The following ANKS3 variants were observed in gnomAD, a reference collection of about 807,000 sequenced individuals.
ANKS3 encodes the protein ankyrin repeat and SAM domain-containing protein 3.
Under a neutral mutation model 80.7 loss-of-function variants are expected in ANKS3, and 62 were observed. The ratio of observed to expected loss-of-function variants is 0.77; its 90% CI spans 0.63 to 0.95. The LOEUF is 0.95. ANKS3 is among the 40% of genes least tolerant of loss of function. The pLI is 0.00. For synonymous variants in ANKS3, 489 were observed against 355.3 expected, an observed-to-expected ratio of 1.38 and a Z score of -4.23; for missense variants, 1,150 against 883.6, an observed-to-expected ratio of 1.30 and a Z score of -3.82.
intron 9 of ANKS3, chr16:4,701,752 A>T: frequency 1.9e-6 from 1 of 530,836 alleles, no homozygotes; most frequent in Non-Finnish European, 3.3e-6. Context: ...ATAAATCCCA[A>T]GCACCCGGAG....
In ANKS3 at chr16:4,702,299, A is replaced by C. The variant is rs922644805; in HGVS notation, c.869-57T>G. ...GAACTCCAAAGTGAAACCTCCTCAG[A>C]GGCCGAGGCCCAGGATGGAGGCAGG... On this transcript the variant is annotated intron_variant, in intron 8 of 17. Coordinates refer to ENST00000304283, the MANE Select transcript of ANKS3 (RefSeq NM_133450.4). 5 of 1,404,724 alleles carry C rather than the reference A, an allele frequency of 3.6e-6. No individual in the cohort carries two copies. In the African/African-American group the frequency reaches 7.5e-5, roughly 21 times the overall value. 87.0% of individuals were successfully genotyped at this position (1,404,724 alleles called of 1,614,324 possible).
intron 5 of ANKS3, 39 bp from the exon 6 acceptor site, chr16:4,724,870 C>T (rs1351765717): frequency 4.4e-6 from 7 of 1,600,900 alleles, no homozygotes; most frequent in Non-Finnish European, 6.0e-6. Context: ...TTGGAAGAGA[C>T]AAGTTCCGCC....
chr16:4,730,746 G>T (rs1011674736), intron 2 of ANKS3, among the ~76,000 whole-genome samples: 2 of 152,038 alleles, frequency 1.3e-5, no homozygotes, highest in African/African-American at 4.8e-5. Context: ...CAGCTACTCG[G>T]GAGGCTGAGG....
chr16:4,704,959 A>AGCTG, intron 8 of ANKS3, 136 bp downstream of exon 8: 1 of 1,162,366 alleles, frequency 8.6e-7, no homozygotes, highest in East Asian at 2.4e-5. Context: ...TGAGCATGAA[A>AGCTG]GCTGGGCCAC....
At position 4,697,359 on chromosome 16, in the gene ANKS3, G is replaced by A. The variant is rs1190729167; in HGVS notation, c.1868C>T (p.Ala623Val). The A allele has an allele frequency of 2.5e-6, 4 of 1,609,720 alleles. No individual in the cohort carries two copies. Among genetic ancestry groups the A allele is most frequent in the East Asian group, 2.2e-5 (1 of 44,784 alleles). The change falls in exon 16 of 18, where the codon GCC (alanine) becomes GTC (valine). Residue 623 changes from alanine (A) to valine (V), a missense_variant. Physicochemically the swap from Ala to Val is moderately conservative, Grantham distance 64. Coordinates refer to ENST00000304283, the MANE Select transcript of ANKS3 (RefSeq NM_133450.4). ...QAMSLPELSG[A>V]LEDRVREMGQ... Reference sequence around the variant, plus strand: ...CATCTCACGGACACGGTCCTCCAGGGCTCCCGAGAGCTCGGGGAGGCTCAT... The same window carrying A: ...CATCTCACGGACACGGTCCTCCAGGACTCCCGAGAGCTCGGGGAGGCTCAT...
rs1318203904 is a variant in ANKS3 at position 4,698,053 on chromosome 16, T to A, written c.1734A>T (p.Gln578His). The change falls in exon 15 of 18, where the codon CAA becomes CAT. Residue 578 changes from glutamine (Q) to histidine (H), a missense_variant. Gln to His is a conservative substitution (Grantham distance 24). Coordinates refer to ENST00000304283, the MANE Select transcript of ANKS3 (RefSeq NM_133450.4). ...GCCTCACTCGAGATGACAGCTCAGC[T>A]TGACAGGCTCTGCCAGACACAGAAA... is the stretch of plus-strand genomic sequence containing the variant. ...ALVLDQLRAC[Q>H]AELSSRVRQD... The A allele has an allele frequency of 1.9e-6, 3 of 1,608,742 alleles. No homozygotes were observed. Among genetic ancestry groups the A allele is most frequent in the Non-Finnish European group, 2.5e-6 (3 of 1,178,340 alleles).
At position 4,699,054 on chromosome 16, in the gene ANKS3, G is replaced by A; in HGVS notation, c.1407C>T (p.Ile469=). 6.2e-7 allele frequency: 1 copy of A among 1,614,188 alleles called. No individual in the cohort carries two copies. The highest frequency in any genetic ancestry group is 8.5e-7 in the Non-Finnish European group (1 of 1,180,040). The change falls in exon 12 of 18, where the codon ATC becomes ATT. Residue 469 remains isoleucine, a splice_region_variant and synonymous_variant. Coordinates refer to ENST00000304283, the MANE Select transcript of ANKS3 (RefSeq NM_133450.4). ...CAGAGCGGCCCTTCTGGACGCACGTGATGCCAATTTCCTTCAGGTCGCTCT... is the reference window on the plus strand; with the variant it reads ...CAGAGCGGCCCTTCTGGACGCACGTAATGCCAATTTCCTTCAGGTCGCTCT... The part of the protein sequence containing the change: ...LTESDLKEIG[I]TLFGPKRKMT...
intron 8 of ANKS3, 28 bp downstream of exon 8, chr16:4,705,067 G>C: frequency 6.2e-7 from 1 of 1,606,798 alleles, no homozygotes; most frequent in Non-Finnish European, 8.5e-7. Flanking sequence ...CAATGAGAAA[G>C]AGCCCTCGGG....
At chr16:4,705,813 T>C (rs905214821) in intron 7 of ANKS3, among the ~76,000 whole-genome samples, 1 of 152,176 alleles carries the variant, frequency 6.6e-6, no homozygotes, top group African/African-American at 2.4e-5. Context: ...GTCTGTATTG[T>C]TCATAATCAG....
At chr16:4,710,622 T>A (rs897251673) in intron 7 of ANKS3, among the ~76,000 whole-genome samples, 1 of 151,854 alleles carries the variant, frequency 6.6e-6, no homozygotes, top group African/African-American at 2.4e-5. Context: ...GGTAGAAGGA[T>A]CGTTTTGAGC....
At position 4,702,259 on chromosome 16, in the gene ANKS3, GC is replaced by G; in HGVS notation, c.869-18del. 6.7e-7 allele frequency: 1 copy of G among 1,499,272 alleles called. No individual in the cohort carries two copies. Among genetic ancestry groups the G allele is most frequent in the Middle Eastern group, 1.8e-4 (1 of 5,614 alleles). The allele number at this position is 1,499,272 out of a possible 1,614,324, so 92.9% of individuals were successfully genotyped here. ...GAGCCTGCTCTGTGTACAGAATGGG[GC>G]CCATAAGCCCAGGGAACTCCAAAGT... is the stretch of plus-strand genomic sequence containing the variant. On this transcript the variant is annotated intron_variant, in intron 8 of 17. Transcript: ENST00000304283.
chr16:4,698,537 C>G lies in ANKS3; in HGVS notation c.1614G>C (p.Val538=). 1 of 1,576,846 alleles carries G rather than the reference C, an allele frequency of 6.3e-7. No homozygotes were observed. The highest frequency in any genetic ancestry group is 8.6e-7 in the Non-Finnish European group (1 of 1,169,432). ...QVCQEQELRA[V]VESCLLEQDR... ...CCTGCTCCAGCAGGCAGCTCTCCAC[C>G]ACGGCGCGCAGCTCCTGCTCCTGAC... Residue 538 remains valine (V), a synonymous_variant, in exon 14 of 18, where the codon GTG becomes GTC. Transcript: ENST00000304283.
chr16:4,700,774 C>A (rs747094832), intron 11 of ANKS3, 196 bp downstream of exon 11: 2 of 807,736 alleles, frequency 2.5e-6, no homozygotes, highest in Non-Finnish European at 4.3e-6. Context: ...TGGAGAGGAA[C>A]AGAGTAGAAG....
rs1356511585 is a variant in ANKS3, at chr16:4,711,127, G to C, written c.709+2924C>G. Among the ~76,000 whole-genome samples, 4 of 115,462 alleles carry C rather than the reference G, an allele frequency of 3.5e-5. No homozygotes were observed. The East Asian group carries it at 1.1e-3, about 32-fold the overall frequency. The allele number at this position is 115,462 out of a possible 152,430, so 75.7% of individuals were successfully genotyped here. A position where few individuals can be genotyped will look rare whatever the true frequency, so the allele number is the denominator to read the frequency against. On this transcript the variant is annotated intron_variant, in intron 7 of 17. Transcript: ENST00000304283. Reference sequence around the variant, plus strand: ...TTTTTTTTTTTTTTTTTTTGAGACAGAGTTTCGCTCTTGTTGCCTAGGCTG... The same window carrying C: ...TTTTTTTTTTTTTTTTTTTGAGACACAGTTTCGCTCTTGTTGCCTAGGCTG...
intron 6 of ANKS3, among the ~76,000 whole-genome samples, chr16:4,719,246 C>T (rs1429633102): frequency 6.6e-6 from 1 of 152,268 alleles, no homozygotes; most frequent in Non-Finnish European, 1.5e-5. Context: ...TTGCAAGGAT[C>T]CCTTGAACCT....
At chr16:4,697,172 T>C (rs2079606682) in intron 16 of ANKS3, 68 bp from the exon 17 acceptor site, 2 of 1,583,150 alleles carry the variant, frequency 1.3e-6, no homozygotes, top group Admixed American at 3.5e-5. Flanking sequence ...TGCCCCGGGG[T>C]CTCAGCTGCA....
intron 7 of ANKS3, among the ~76,000 whole-genome samples, chr16:4,711,318 G>A (rs1215693291): frequency 2.0e-5 from 3 of 151,212 alleles, no homozygotes; most frequent in African/African-American, 7.3e-5. Flanking sequence ...GATCAGGCTG[G>A]TCTCGAACTC....
At chr16:4,729,832 T>C (rs1326015247) in intron 3 of ANKS3, 148 bp downstream of exon 3, 1 of 785,380 alleles carries the variant, frequency 1.3e-6, no homozygotes, top group African/African-American at 1.8e-5. Flanking sequence ...TCAGCATCAA[T>C]ACTTACTGAC....
At chr16:4,702,020 C>A in intron 9 of ANKS3, 82 bp downstream of exon 9, 1 of 1,466,292 alleles carries the variant, frequency 6.8e-7, no homozygotes. Context: ...CAGCGCCAGG[C>A]CCAGGGGATA....
Sources: gnomAD v4.1 joint callset for allele counts (sites outside exome capture counted in the v4.1 genomes callset) on GRCh38, gnomAD v4.1.1 for gene constraint, MANE v1.5 for transcripts, NCBI Gene and HGNC (gene_info 2026-07-23, HGNC 2026-07-21) for gene names.